UBR1: variants seen among roughly 807,000 people sequenced by gnomAD.
UBR1 encodes ubiquitin protein ligase E3 component n-recognin 1.
In UBR1, 102 loss-of-function variants were observed where a neutral mutation model predicts 242.1. The observed-to-expected ratio is 0.42, with a 90% CI of 0.36 to 0.50. UBR1 has a LOEUF of 0.50. UBR1 is among the 20% of genes least tolerant of loss of function. The pLI is 0.01. For synonymous variants in UBR1, 675 were observed against 684.8 expected, an observed-to-expected ratio of 0.99 and a Z score of 0.22; for missense variants, 1,772 against 2,101.8, an observed-to-expected ratio of 0.84 and a Z score of 3.07.
Position 43,028,456 on chromosome 15 carries a change from C to T in UBR1, c.2380-628G>A, listed in dbSNP as rs187264013. On this transcript the variant is annotated intron_variant, in intron 21 of 46. Transcript: ENST00000290650. ...AGAAAGGTAACCTCCCTTAAAAATA[C>T]ATATATTTGGCCGGGCACAGTGGCT... 4.5e-4 allele frequency among the ~76,000 whole-genome samples: 69 copies of T among 152,088 alleles called. 1 individual carries two copies. The highest frequency in any genetic ancestry group is 1.3e-3 in the African/African-American group (56 of 41,492).
At chr15:42,954,210 GATA>G (rs768635674) in intron 44 of UBR1, among the ~76,000 whole-genome samples, 2 of 152,146 alleles carry the variant, frequency 1.3e-5, no homozygotes, top group Non-Finnish European at 2.9e-5. Flanking sequence ...ATGCCTGGAA[GATA>G]ATATCTATTC....
chr15:43,086,504 T>C (rs914914769), intron 1 of UBR1, among the ~76,000 whole-genome samples: 2 of 150,506 alleles, frequency 1.3e-5, no homozygotes, highest in African/African-American at 4.9e-5. Flanking sequence ...AAATGGCCAA[T>C]TCCTGCTATG....
chr15:42,979,069 A>AT (rs2032335132), intron 37 of UBR1, among the ~76,000 whole-genome samples: 1 of 151,174 alleles, frequency 6.6e-6, no homozygotes, highest in Non-Finnish European at 1.5e-5. Flanking sequence ...TAATTTTTGT[A>AT]TTTTTAGTAG....
intron 32 of UBR1, among the ~76,000 whole-genome samples, chr15:42,998,556 C>T (rs1269360811): frequency 6.6e-6 from 1 of 152,156 alleles, no homozygotes; most frequent in South Asian, 2.1e-4. Flanking sequence ...TAGGTGTTGT[C>T]ATTGATTTCT....
Position 43,021,259 on chromosome 15 carries a change from T to A in UBR1, c.2940+16A>T, listed in dbSNP as rs2033107071. 1 of 1,606,738 alleles carries A rather than the reference T, an allele frequency of 6.2e-7. No individual in the cohort carries two copies. Among genetic ancestry groups the A allele is most frequent in the Admixed American group, 1.7e-5 (1 of 59,978 alleles). ...TATTTAAACCAAGATATGATCACTTTACTTTTTTAGTTTACCTGAAGTATC... is the reference window on the plus strand; with the variant it reads ...TATTTAAACCAAGATATGATCACTTAACTTTTTTAGTTTACCTGAAGTATC... On this transcript the variant is annotated intron_variant, in intron 27 of 46. Transcript: ENST00000290650.
At position 42,970,560 on chromosome 15, in the gene UBR1, C is replaced by A. The variant is rs139296068; in HGVS notation, c.4417G>T (p.Ala1473Ser). ...VQEDSEEAHS[A>S]SSFFAEISQY... The stretch of plus-strand genomic sequence containing the variant: ...GAAATTTCTGCAAAGAAAGAAGATG[C>A]GGAATGAGCCTCTTCACTGTCTTCT... Residue 1473 changes from alanine to serine, a missense_variant, in exon 40 of 47, where the codon GCA becomes TCA. Ala to Ser is a moderately conservative substitution (Grantham distance 99). Coordinates refer to ENST00000290650, the MANE Select transcript of UBR1 (RefSeq NM_174916.3). The A allele has an allele frequency of 1.2e-6, 2 of 1,613,628 alleles. No homozygotes were observed. The highest frequency in any genetic ancestry group is 1.7e-6 in the Non-Finnish European group (2 of 1,179,968).
intron 39 of UBR1, among the ~76,000 whole-genome samples, chr15:42,972,534 A>G (rs2032224071): frequency 6.6e-6 from 1 of 151,908 alleles, no homozygotes; most frequent in African/African-American, 2.4e-5. Context: ...ATGCCTGGCT[A>G]ATTTTTGTAT....
In UBR1 at chr15:43,054,783, C is replaced by T. The variant is rs778167157; in HGVS notation, c.1398G>A (p.Gln466=). Residue 466 remains glutamine (Q), a synonymous_variant, in exon 12 of 47, where the codon CAG becomes CAA. Coordinates refer to ENST00000290650, the MANE Select transcript of UBR1 (RefSeq NM_174916.3). Reference sequence around the variant, plus strand: ...CTGCATATACTCTTCCCAATTTGTCCTGGCTATAACCCTGGAAGTTGAATT... The same window carrying T: ...CTGCATATACTCTTCCCAATTTGTCTTGGCTATAACCCTGGAAGTTGAATT... ...NNKFNFQGYS[Q]DKLGRVYAVI... The T allele has an allele frequency of 6.2e-7, 1 of 1,614,010 alleles. No individual in the cohort carries two copies. The highest frequency in any genetic ancestry group is 1.3e-5 in the African/African-American group (1 of 74,902).
At chr15:42,986,882 G>A (rs943289667) in intron 35 of UBR1, among the ~76,000 whole-genome samples, 16 of 152,188 alleles carry the variant, frequency 1.1e-4, no homozygotes, top group African/African-American at 2.2e-4. Flanking sequence ...AGGAAGACAC[G>A]GTCCCCACCC....
chr15:42,976,478 T>C (rs917731788), intron 39 of UBR1, among the ~76,000 whole-genome samples: 2 of 152,158 alleles, frequency 1.3e-5, no homozygotes, highest in African/African-American at 4.8e-5. Context: ...CAGGTCCAAG[T>C]GGTCTCCCTG....
In UBR1 at chr15:42,950,312, G is replaced by C; in HGVS notation, c.5058C>G (p.Ala1686=). The C allele has an allele frequency of 6.2e-7, 1 of 1,614,160 alleles. No homozygotes were observed. The highest frequency in any genetic ancestry group is 8.5e-7 in the Non-Finnish European group (1 of 1,180,024). The change falls in exon 46 of 47, where the codon GCC becomes GCG. Residue 1686 remains alanine (A), a synonymous_variant. Coordinates refer to ENST00000290650, the MANE Select transcript of UBR1 (RefSeq NM_174916.3). ...ATTCATCCAAGTAAGGAGCTGGATA[G>C]GCACAGCCTCTGGCTTTACCTTCAA... ...VLVEGKARGC[A]YPAPYLDEYG... is the part of the protein sequence containing the mutation.
chr15:43,034,505 A>G (rs1309437329), intron 19 of UBR1, among the ~76,000 whole-genome samples: 2 of 152,116 alleles, frequency 1.3e-5, no homozygotes, highest in Non-Finnish European at 2.9e-5. Context: ...AAGATAAAAA[A>G]GACCAATGTC....
intron 27 of UBR1, 104 bp downstream of exon 27, chr15:43,021,171 C>G: frequency 2.5e-6 from 2 of 804,428 alleles, no homozygotes; most frequent in Non-Finnish European, 4.2e-6. Context: ...TTATGAAAAC[C>G]AGTAGTAAAT....
chr15:43,052,688 C>T (rs2035170), intron 12 of UBR1, among the ~76,000 whole-genome samples: 123,555 of 152,146 alleles, frequency 0.81, 50,950 homozygotes, highest in Non-Finnish European at 0.89. Flanking sequence ...AGTAAATAAA[C>T]ATGTAGGGAA....
At chr15:43,072,260 G>T in intron 4 of UBR1, among the ~76,000 whole-genome samples, 1 of 152,090 alleles carries the variant, frequency 6.6e-6, no homozygotes, top group East Asian at 1.9e-4. Context: ...ACTCTTTATG[G>T]ATTCTTTAGG....
At chr15:43,080,552 AG>A (rs1191639595) in intron 3 of UBR1, among the ~76,000 whole-genome samples, 1 of 152,210 alleles carries the variant, frequency 6.6e-6, no homozygotes, top group African/African-American at 2.4e-5. Flanking sequence ...CTTTCTTTAT[AG>A]TACTAAGCAA....
intron 4 of UBR1, among the ~76,000 whole-genome samples, chr15:43,072,912 C>A (rs188348496): frequency 8.7e-4 from 133 of 152,238 alleles, no homozygotes; most frequent in African/African-American, 3.0e-3. Context: ...CCTGTAATCC[C>A]AGCACTTTGG....
intron 10 of UBR1, among the ~76,000 whole-genome samples, chr15:43,057,328 A>T (rs1319273944): frequency 2.0e-5 from 3 of 152,158 alleles, no homozygotes; most frequent in Non-Finnish European, 4.4e-5. Flanking sequence ...CCACAGTGTC[A>T]TTTGCCTACA....
rs2031689682 is a variant in UBR1 at position 42,943,877 on chromosome 15, T to C, written c.*1452A>G. On this transcript the variant is annotated 3_prime_UTR_variant, in exon 47 of 47. Coordinates refer to ENST00000290650, the MANE Select transcript of UBR1 (RefSeq NM_174916.3). ...TAATTATTCAAGTAGAAAATCATGATTGTGATTCTGACGCCTGCTCATGCC... is the reference window on the plus strand; with the variant it reads ...TAATTATTCAAGTAGAAAATCATGACTGTGATTCTGACGCCTGCTCATGCC... The C allele has an allele frequency of 6.6e-6, 1 of 152,612 alleles. No individual in the cohort carries two copies. The highest frequency in any genetic ancestry group is 2.4e-5 in the African/African-American group (1 of 41,584). 9.5% of individuals were successfully genotyped at this position (152,612 alleles called of 1,614,324 possible).
Sources: gnomAD v4.1 joint callset for allele counts (sites outside exome capture counted in the v4.1 genomes callset) on GRCh38, gnomAD v4.1.1 for gene constraint, MANE v1.5 for transcripts, NCBI Gene and HGNC (gene_info 2026-07-23, HGNC 2026-07-21) for gene names.